PRKCE: variants seen among roughly 807,000 people sequenced by gnomAD.
PRKCE encodes protein kinase C epsilon, also known as protein kinase C epsilon type.
In PRKCE, 16 loss-of-function variants were observed where a neutral mutation model predicts 85.4. The observed-to-expected ratio is 0.19, with a 90% CI of 0.13 to 0.28. The LOEUF is 0.28. PRKCE is among the 10% of genes least tolerant of loss of function. The pLI, the probability that PRKCE is intolerant of heterozygous loss-of-function variation, is 1.00. For missense variants in PRKCE, 573 were observed against 975.2 expected, an observed-to-expected ratio of 0.59 and a Z score of 5.49; for synonymous variants, 388 against 371.5, an observed-to-expected ratio of 1.04 and a Z score of -0.51.
intron 1 of PRKCE, among the ~76,000 whole-genome samples, chr2:45,686,022 C>G (rs1319226340): frequency 6.6e-6 from 1 of 152,144 alleles, no homozygotes; most frequent in Non-Finnish European, 1.5e-5. Context: ...TATAGAATCA[C>G]ATATGGAATT....
intron 7 of PRKCE, among the ~76,000 whole-genome samples, chr2:46,002,916 A>T (rs1019278053): frequency 1.3e-5 from 2 of 152,226 alleles, no homozygotes; most frequent in Admixed American, 6.5e-5. Flanking sequence ...GTCATGAAAC[A>T]TTTGAAAGAA....
intron 1 of PRKCE, among the ~76,000 whole-genome samples, chr2:45,706,036 C>T (rs1468686428): frequency 6.6e-6 from 1 of 152,128 alleles, no homozygotes; most frequent in Non-Finnish European, 1.5e-5. Context: ...CTGCAGTTGG[C>T]CCTTGAATTT....
chr2:45,764,033 C>G (rs1684721404), intron 1 of PRKCE, among the ~76,000 whole-genome samples: 1 of 152,208 alleles, frequency 6.6e-6, no homozygotes, highest in Non-Finnish European at 1.5e-5. Flanking sequence ...AATCTCAAAA[C>G]TAGAAGGATC....
chr2:45,968,153 G>GT (rs1701858043), intron 2 of PRKCE, among the ~76,000 whole-genome samples: 1 of 152,170 alleles, frequency 6.6e-6, no homozygotes, highest in South Asian at 2.1e-4. Flanking sequence ...GCATACGTCT[G>GT]TGTGTGTTAG....
intron 2 of PRKCE, among the ~76,000 whole-genome samples, chr2:45,967,766 T>C (rs1332641488): frequency 6.6e-6 from 1 of 152,104 alleles, no homozygotes; most frequent in Non-Finnish European, 1.5e-5. Flanking sequence ...GAGGTTTGGG[T>C]TGAGCCATGG....
chr2:45,808,325 G>A (rs968365927), intron 1 of PRKCE, among the ~76,000 whole-genome samples: 24 of 152,198 alleles, frequency 1.6e-4, no homozygotes, highest in African/African-American at 5.3e-4. Context: ...AGGTTTGGAG[G>A]TTGGAGAAAA....
intron 10 of PRKCE, among the ~76,000 whole-genome samples, chr2:46,071,417 GT>G (rs1191013497): frequency 3.3e-5 from 5 of 152,180 alleles, no homozygotes; most frequent in African/African-American, 1.2e-4. Flanking sequence ...CCTTATTTTA[GT>G]TTTCCATGAA....
intron 1 of PRKCE, among the ~76,000 whole-genome samples, chr2:45,666,767 G>C (rs977713620): frequency 2.0e-5 from 3 of 151,978 alleles, no homozygotes; most frequent in African/African-American, 4.8e-5. Context: ...TGTTCCTGAG[G>C]GTAAAACTCC....
chr2:45,687,575 A>G (rs1467104838), intron 1 of PRKCE, among the ~76,000 whole-genome samples: 3 of 152,238 alleles, frequency 2.0e-5, no homozygotes, highest in African/African-American at 7.2e-5. Context: ...GTTGTCCCAC[A>G]GAAATATTTA....
chr2:46,074,244 G>A (rs1415772415), intron 10 of PRKCE, among the ~76,000 whole-genome samples: 1 of 152,080 alleles, frequency 6.6e-6, no homozygotes, highest in Non-Finnish European at 1.5e-5. Context: ...GTAAAGTGAA[G>A]GAGTCAGTAA....
rs191172851 is a variant in PRKCE at position 45,892,120 on chromosome 2, G to A, written c.412+49057G>A. 1.3e-4 allele frequency among the ~76,000 whole-genome samples: 20 copies of A among 152,268 alleles called. 1 individual carries two copies. Among genetic ancestry groups the A allele is most frequent in the African/African-American group, 3.9e-4 (16 of 41,558 alleles). ...ATGCCCTGTACCTTACCATCTCCAC[G>A]ATTGCTTTTCAATGGTTCTGTTTTC... On this transcript the variant is annotated intron_variant, in intron 2 of 14. Coordinates refer to ENST00000306156, the MANE Select transcript of PRKCE (RefSeq NM_005400.3).
intron 14 of PRKCE, among the ~76,000 whole-genome samples, chr2:46,174,692 T>C (rs913985577): frequency 6.6e-6 from 1 of 152,010 alleles, no homozygotes; most frequent in African/African-American, 2.4e-5. Context: ...GATATGATGC[T>C]TTTTAATTTT....
chr2:45,657,670 C>A (rs918051109), intron 1 of PRKCE, among the ~76,000 whole-genome samples: 12 of 152,188 alleles, frequency 7.9e-5, no homozygotes, highest in African/African-American at 2.9e-4. Context: ...AAGAATGGGA[C>A]ACTAGAAGTG....
intron 11 of PRKCE, among the ~76,000 whole-genome samples, chr2:46,098,054 CAAAGGGAA>C (rs1336927039): frequency 6.6e-6 from 1 of 152,150 alleles, no homozygotes; most frequent in Non-Finnish European, 1.5e-5. Context: ...AGTTTGGAAC[CAAAGGGAA>C]ATTCCTGATT....
At chr2:45,782,371 C>T (rs916997148) in intron 1 of PRKCE, among the ~76,000 whole-genome samples, 7 of 152,182 alleles carry the variant, frequency 4.6e-5, no homozygotes, top group Admixed American at 3.9e-4. Flanking sequence ...CAAGTCCCCA[C>T]TTGATTAGCG....
At chr2:45,954,896 A>G (rs556747366) in intron 2 of PRKCE, among the ~76,000 whole-genome samples, 1 of 152,318 alleles carries the variant, frequency 6.6e-6, no homozygotes, top group Non-Finnish European at 1.5e-5. Context: ...TTGGTACCCC[A>G]TTGCTTCTCC....
At position 45,659,796 on chromosome 2, in the gene PRKCE, G is replaced by T. The variant is rs1180242717; in HGVS notation, c.348+7348G>T. On this transcript the variant is annotated intron_variant, in intron 1 of 14. Coordinates refer to ENST00000306156, the MANE Select transcript of PRKCE (RefSeq NM_005400.3). ...CCTTTTCTGGCAATCCTATCTAAAA[G>T]TTCACCCTCTTATTTTATGCTTCAT... Among the ~76,000 whole-genome samples the T allele has an allele frequency of 2.7e-5, 4 of 149,112 alleles. No individual in the cohort carries two copies. In the East Asian group the frequency reaches 5.9e-4, roughly 22 times the overall value.
At chr2:45,771,702 CGTGTGT>C (rs61209033) in intron 1 of PRKCE, among the ~76,000 whole-genome samples, 5,613 of 146,868 alleles carry the variant, frequency 0.038, 119 homozygotes, top group Middle Eastern at 0.072. Flanking sequence ...CAGAGTGGGG[CGTGTGT>C]GTGTGTGTGT....
At chr2:45,797,570 G>A (rs577769535) in intron 1 of PRKCE, among the ~76,000 whole-genome samples, 2 of 152,252 alleles carry the variant, frequency 1.3e-5, no homozygotes, top group South Asian at 2.1e-4. Flanking sequence ...TAATTAATTC[G>A]CTCTGCAAGC....
Sources: allele counts gnomAD v4.1 joint callset (sites outside exome capture counted in the v4.1 genomes callset), GRCh38; gene constraint gnomAD v4.1.1; transcripts MANE v1.5; gene names NCBI Gene and HGNC (gene_info 2026-07-23, HGNC 2026-07-21).